Variants in ROBO1 observed in about 807,000 individuals in gnomAD.
The protein encoded by ROBO1 is roundabout homolog 1.
ROBO1 carries 149 observed loss-of-function variants against 195.9 expected under a neutral mutation model. The observed-to-expected ratio is 0.76, with a 90% CI of 0.67 to 0.87. ROBO1 has a LOEUF of 0.87. Among genes scored for constraint, ROBO1 ranks in the 40% least tolerant of loss-of-function variants. The pLI is 0.00. For missense variants in ROBO1, 1,933 were observed against 2,068.3 expected, an observed-to-expected ratio of 0.93 and a Z score of 1.27; for synonymous variants, 816 against 733.2, an observed-to-expected ratio of 1.11 and a Z score of -1.82.
chr3:79,402,814 G>T (rs762257654), intron 2 of ROBO1, among the ~76,000 whole-genome samples: 28 of 151,906 alleles, frequency 1.8e-4, no homozygotes, highest in Non-Finnish European at 3.8e-4. Flanking sequence ...TAGATTTGGG[G>T]TTAGCTTGAC....
At chr3:79,057,313 T>C (rs1295608589) in intron 3 of ROBO1, among the ~76,000 whole-genome samples, 1 of 152,034 alleles carries the variant, frequency 6.6e-6, no homozygotes, top group Non-Finnish European at 1.5e-5. Flanking sequence ...TCTGATTAAC[T>C]TGGGAAAGAG....
chr3:79,581,060 T>C (rs1672779676), intron 2 of ROBO1, among the ~76,000 whole-genome samples: 1 of 152,152 alleles, frequency 6.6e-6, no homozygotes. Flanking sequence ...GAAAGCTCAC[T>C]AGGAAATATA....
At chr3:79,046,203 TG>T (rs1292854405) in intron 3 of ROBO1, among the ~76,000 whole-genome samples, 9 of 152,276 alleles carry the variant, frequency 5.9e-5, no homozygotes, top group African/African-American at 2.2e-4. Flanking sequence ...GCCGCCATGT[TG>T]GGAGCTGCTC....
chr3:78,717,889 A>C lies in ROBO1; in HGVS notation c.658-6T>G, dbSNP rs548805269. The C allele has an allele frequency of 3.1e-6, 5 of 1,612,812 alleles. No individual in the cohort carries two copies. The South Asian group carries it at 5.5e-5, about 18-fold the overall frequency. On this transcript the variant is annotated splice_region_variant and splice_polypyrimidine_tract_variant and intron_variant, in intron 5 of 30. Coordinates refer to ENST00000464233, the MANE Select transcript of ROBO1 (RefSeq NM_002941.4). ...ATGAGCTTTCCTCCTCGTATCTTAAAAAAAAAGTTTCACAGGAATACTATT... is the reference window on the plus strand; with the variant it reads ...ATGAGCTTTCCTCCTCGTATCTTAACAAAAAAGTTTCACAGGAATACTATT...
intron 2 of ROBO1, among the ~76,000 whole-genome samples, chr3:79,294,080 A>AAAG (rs1553714582): frequency 7.9e-5 from 11 of 140,116 alleles, no homozygotes; most frequent in East Asian, 4.3e-4. Flanking sequence ...AAAAAAAAAA[A>AAAG]AAAGAAAGAA....
intron 2 of ROBO1, among the ~76,000 whole-genome samples, chr3:79,235,048 A>G (rs2082383711): frequency 6.6e-6 from 1 of 152,192 alleles, no homozygotes; most frequent in East Asian, 1.9e-4. Context: ...TCAAACCTTC[A>G]TTCTTACCCA....
intron 4 of ROBO1, among the ~76,000 whole-genome samples, chr3:78,789,097 G>C (rs534270982): frequency 1.3e-5 from 2 of 152,148 alleles, no homozygotes; most frequent in African/African-American, 4.8e-5. Context: ...TGAATACAGC[G>C]CTAAAATCTA....
chr3:78,858,119 C>T (rs1213536758), intron 4 of ROBO1, among the ~76,000 whole-genome samples: 1 of 152,108 alleles, frequency 6.6e-6, no homozygotes, highest in African/African-American at 2.4e-5. Context: ...CATTAAACAG[C>T]GAGGAGTAGG....
At chr3:78,975,717 A>G (rs1339529741) in intron 3 of ROBO1, among the ~76,000 whole-genome samples, 1 of 152,222 alleles carries the variant, frequency 6.6e-6, no homozygotes, top group Non-Finnish European at 1.5e-5. Context: ...GTTGAGGTCA[A>G]GAAAAAACAG....
intron 2 of ROBO1, among the ~76,000 whole-genome samples, chr3:79,136,255 T>C (rs1338659770): frequency 6.6e-6 from 1 of 152,170 alleles, no homozygotes; most frequent in Non-Finnish European, 1.5e-5. Context: ...AATTTTTAAA[T>C]TGGGTTTGCA....
Position 78,739,937 on chromosome 3 carries a change from A to G in ROBO1, c.657+6806T>C, listed in dbSNP as rs186940573. Among the ~76,000 whole-genome samples the G allele has an allele frequency of 2.2e-3, 340 of 152,310 alleles. 1 individual carries two copies. The highest frequency in any genetic ancestry group is 7.6e-3 in the African/African-American group (317 of 41,566). On this transcript the variant is annotated intron_variant, in intron 5 of 30. Transcript: ENST00000464233. ...TTGTTATATATGTTGCAGAATCTAT[A>G]GGACCCTATAAAAAATGTTATGAGT...
chr3:79,538,147 A>C (rs1941941950), intron 2 of ROBO1, among the ~76,000 whole-genome samples: 2 of 152,128 alleles, frequency 1.3e-5, no homozygotes, highest in South Asian at 4.1e-4. Context: ...TATGCTATAT[A>C]ATTTTAGGTA....
intron 4 of ROBO1, among the ~76,000 whole-genome samples, chr3:78,759,957 A>G (rs2108360181): frequency 6.6e-6 from 1 of 152,250 alleles, no homozygotes; most frequent in African/African-American, 2.4e-5. Flanking sequence ...GGACAACATA[A>G]AACTACCACG....
chr3:79,339,645 A>G (rs1194099117), intron 2 of ROBO1, among the ~76,000 whole-genome samples: 2 of 152,110 alleles, frequency 1.3e-5, no homozygotes, highest in African/African-American at 4.8e-5. Context: ...GCACTCATCA[A>G]CATCTGACAT....
chr3:79,262,505 C>T (rs1342696713), intron 2 of ROBO1, among the ~76,000 whole-genome samples: 1 of 151,902 alleles, frequency 6.6e-6, no homozygotes, highest in Non-Finnish European at 1.5e-5. Context: ...CTATCTGTTA[C>T]TGCATCAACT....
intron 2 of ROBO1, among the ~76,000 whole-genome samples, chr3:79,267,888 C>A (rs2030132160): frequency 6.6e-6 from 1 of 151,442 alleles, no homozygotes; most frequent in African/African-American, 2.4e-5. Context: ...TATAAGAACA[C>A]CAGAATTAGC....
At chr3:79,520,859 T>A (rs1000928075) in intron 2 of ROBO1, among the ~76,000 whole-genome samples, 68 of 152,132 alleles carry the variant, frequency 4.5e-4, no homozygotes, top group African/African-American at 1.6e-3. Context: ...AACACTTTTA[T>A]TTATGAGAAA....
chr3:79,722,401 C>A (rs766579155), intron 1 of ROBO1, among the ~76,000 whole-genome samples: 1 of 152,146 alleles, frequency 6.6e-6, no homozygotes, highest in Non-Finnish European at 1.5e-5. Context: ...AGCAATGATG[C>A]CTTGTACCCA....
chr3:79,416,926 T>A (rs529836957), intron 2 of ROBO1, among the ~76,000 whole-genome samples: 1 of 152,296 alleles, frequency 6.6e-6, no homozygotes, highest in Non-Finnish European at 1.5e-5. Flanking sequence ...ATCAGTTTTG[T>A]GAAGTTAGGC....
Sources: allele counts gnomAD v4.1 joint callset (sites outside exome capture counted in the v4.1 genomes callset), GRCh38; gene constraint gnomAD v4.1.1; transcripts MANE v1.5; gene names NCBI Gene and HGNC (gene_info 2026-07-23, HGNC 2026-07-21).